RTN1: variants seen among roughly 807,000 people sequenced by gnomAD.
RTN1 encodes the protein reticulon-1.
In RTN1, 25 loss-of-function variants were observed where a neutral mutation model predicts 65.5. The ratio of observed to expected loss-of-function variants is 0.38; its 90% CI spans 0.28 to 0.53. The LOEUF is 0.53. RTN1 is among the 20% of genes least tolerant of loss of function. RTN1 has a pLI of 0.79. For synonymous variants in RTN1, 471 were observed against 447.6 expected (o/e 1.05, Z -0.66); for missense variants, 983 against 1,025.4 (o/e 0.96, Z 0.57).
intron 1 of RTN1, among the ~76,000 whole-genome samples, chr14:59,818,783 C>T (rs775657920): frequency 3.9e-5 from 6 of 152,190 alleles, no homozygotes; most frequent in Non-Finnish European, 5.9e-5. Context: ...TTCCCATTAG[C>T]AGTGTATAAG....
At chr14:59,633,919 G>A (rs530905242) in intron 3 of RTN1, among the ~76,000 whole-genome samples, 1 of 152,266 alleles carries the variant, frequency 6.6e-6, no homozygotes, top group Non-Finnish European at 1.5e-5. Context: ...GGGAATCAGT[G>A]GCATCTGCAT....
chr14:59,771,131 AT>A (rs1389031767), intron 1 of RTN1, among the ~76,000 whole-genome samples: 2 of 152,080 alleles, frequency 1.3e-5, no homozygotes, highest in South Asian at 4.1e-4. Flanking sequence ...TATTTTGAAC[AT>A]GATCTGTATT....
chr14:59,778,051 T>G (rs1472674523), intron 1 of RTN1, among the ~76,000 whole-genome samples: 1 of 152,066 alleles, frequency 6.6e-6, no homozygotes, highest in African/African-American at 2.4e-5. Context: ...GCATGTGCTG[T>G]CCCTGCTTAA....
intron 1 of RTN1, among the ~76,000 whole-genome samples, chr14:59,838,894 T>C (rs1008510722): frequency 3.3e-5 from 5 of 152,196 alleles, no homozygotes; most frequent in East Asian, 1.9e-4. Context: ...AAATGTCCTA[T>C]GAATTTGTCT....
At chr14:59,647,379 T>A (rs67577565) in intron 3 of RTN1, among the ~76,000 whole-genome samples, 54,007 of 151,974 alleles carry the variant, frequency 0.36, 11,285 homozygotes, top group East Asian at 0.47. Context: ...CTGACAGAAC[T>A]AGACAGATGA....
chr14:59,622,448 A>C (rs944068683), intron 3 of RTN1, among the ~76,000 whole-genome samples: 3 of 152,210 alleles, frequency 2.0e-5, no homozygotes, highest in African/African-American at 7.2e-5. Flanking sequence ...TATGCTGTTG[A>C]AATTTATTTA....
chr14:59,607,264 C>T, intron 4 of RTN1, 21 bp downstream of exon 4: 1 of 1,608,360 alleles, frequency 6.2e-7, no homozygotes, highest in Middle Eastern at 1.7e-4. Flanking sequence ...TGGGTGAGGG[C>T]TCCTCAGCTG....
At chr14:59,755,173 A>G (rs922940577) in intron 1 of RTN1, among the ~76,000 whole-genome samples, 4 of 152,194 alleles carry the variant, frequency 2.6e-5, no homozygotes, top group Non-Finnish European at 4.4e-5. Flanking sequence ...AAAATGCCAG[A>G]AAGAAAAAAA....
intron 3 of RTN1, among the ~76,000 whole-genome samples, chr14:59,612,003 C>A (rs550516062): frequency 6.6e-6 from 1 of 152,232 alleles, no homozygotes; most frequent in African/African-American, 2.4e-5. Context: ...TGCCCAGAGA[C>A]CCCATTGTGA....
intron 3 of RTN1, among the ~76,000 whole-genome samples, chr14:59,715,662 C>T (rs886469428): frequency 6.6e-6 from 1 of 152,028 alleles, no homozygotes; most frequent in African/African-American, 2.4e-5. Flanking sequence ...CCCATCTCTA[C>T]TAATAATACA....
chr14:59,683,356 A>G (rs1883781478), intron 3 of RTN1, among the ~76,000 whole-genome samples: 1 of 152,120 alleles, frequency 6.6e-6, no homozygotes, highest in Non-Finnish European at 1.5e-5. Context: ...CAGATTTGAA[A>G]TGACGTGGAT....
chr14:59,800,343 T>C (rs955731219), intron 1 of RTN1, among the ~76,000 whole-genome samples: 15 of 152,234 alleles, frequency 9.9e-5, no homozygotes, highest in African/African-American at 3.6e-4. Context: ...TATTTTTTGA[T>C]GTTTGGCATT....
At position 59,794,896 on chromosome 14, in the gene RTN1, T is replaced by G. The variant is rs1242880919; in HGVS notation, c.242-48415A>C. On this transcript the variant is annotated intron_variant, in intron 1 of 8. Transcript: ENST00000267484. The surrounding 1 kb of genome is among the most constrained non-coding windows in gnomAD (Gnocchi z 5.1). ...TATCCAAATGTCTAGCAAAAAAGTTTTTCCACTACAGGAGAAGAAAAGAAT... is the reference window on the plus strand; with the variant it reads ...TATCCAAATGTCTAGCAAAAAAGTTGTTCCACTACAGGAGAAGAAAAGAAT... Among the ~76,000 whole-genome samples the G allele has an allele frequency of 2.0e-5, 3 of 152,168 alleles. No homozygotes were observed. The highest frequency in any genetic ancestry group is 2.0e-4 in the Admixed American group (3 of 15,264).
At chr14:59,609,500 T>C (rs1373488683) in intron 3 of RTN1, among the ~76,000 whole-genome samples, 1 of 152,106 alleles carries the variant, frequency 6.6e-6, no homozygotes, top group Non-Finnish European at 1.5e-5. Flanking sequence ...GAGGGATCTT[T>C]TGGAAGACAT....
rs1451046191 is a variant in RTN1 at position 59,794,558 on chromosome 14, C to T, written c.242-48077G>A. On this transcript the variant is annotated intron_variant, in intron 1 of 8. Transcript: ENST00000267484. This position sits in a 1 kb window ranked among gnomAD's most constrained non-coding sequence, Gnocchi z 5.1. ...CCTGCTTCCCAACTATATTAGAATACAGTTTTAATTACTGTAACAAAGATC... is the reference window on the plus strand; with the variant it reads ...CCTGCTTCCCAACTATATTAGAATATAGTTTTAATTACTGTAACAAAGATC... 1.3e-5 allele frequency among the ~76,000 whole-genome samples: 2 copies of T among 152,166 alleles called. No individual in the cohort carries two copies. The highest frequency in any genetic ancestry group is 2.4e-5 in the African/African-American group (1 of 41,434).
intron 2 of RTN1, among the ~76,000 whole-genome samples, chr14:59,745,274 T>C (rs1365028348): frequency 6.6e-6 from 1 of 152,182 alleles, no homozygotes; most frequent in East Asian, 1.9e-4. Context: ...ATAAATTTTG[T>C]TTCTTATACA....
chr14:59,764,947 T>G (rs1885821763), intron 1 of RTN1, among the ~76,000 whole-genome samples: 1 of 152,218 alleles, frequency 6.6e-6, no homozygotes, highest in Admixed American at 6.5e-5. Flanking sequence ...CAGCAATTCT[T>G]TTGCTATTCT....
chr14:59,679,290 T>A (rs552152117), intron 3 of RTN1, among the ~76,000 whole-genome samples: 1 of 152,290 alleles, frequency 6.6e-6, no homozygotes, highest in East Asian at 1.9e-4. Flanking sequence ...TCTGCTAAAT[T>A]GAGTTATCTA....
At chr14:59,718,951 C>T (rs1884593865) in intron 3 of RTN1, among the ~76,000 whole-genome samples, 1 of 152,182 alleles carries the variant, frequency 6.6e-6, no homozygotes, top group South Asian at 2.1e-4. Flanking sequence ...CCATTCCTCT[C>T]ATCTCCAATG....
Sources: gnomAD v4.1 joint callset for allele counts (sites outside exome capture counted in the v4.1 genomes callset) on GRCh38, gnomAD v4.1.1 for gene constraint, Gnocchi (gnomAD v3.1) non-coding constraint, MANE v1.5 for transcripts, NCBI Gene and HGNC (gene_info 2026-07-23, HGNC 2026-07-21) for gene names.